The following HEATR3 variants were observed in gnomAD, a reference collection of about 807,000 sequenced individuals.
HEATR3 encodes the protein HEAT repeat-containing protein 3.
In HEATR3, 56 loss-of-function variants were observed where a neutral mutation model predicts 72.8. That is an observed-to-expected ratio of 0.77 (90% confidence interval 0.62 to 0.96). The LOEUF (loss-of-function observed/expected upper bound fraction) is 0.96. Among genes scored for constraint, HEATR3 ranks in the 40% least tolerant of loss-of-function variants. The pLI is 0.00. For synonymous variants in HEATR3, 331 were observed against 318.1 expected (o/e 1.04, Z -0.43); for missense variants, 747 against 831.4 (o/e 0.90, Z 1.25).
chr16:50,080,481 C>T (rs1420535238), intron 7 of HEATR3, among the ~76,000 whole-genome samples: 4 of 151,824 alleles, frequency 2.6e-5, no homozygotes, highest in Non-Finnish European at 5.9e-5. Context: ...GCTGGGATTA[C>T]AGGCATGTGT....
chr16:50,083,992 C>T lies in HEATR3; in HGVS notation c.1097C>T (p.Ala366Val). Residue 366 changes from alanine to valine, a missense_variant, in exon 8 of 15, where the codon GCT becomes GTT. Physicochemically the swap from Ala to Val is moderately conservative, Grantham distance 64. Transcript: ENST00000299192. Reference sequence around the variant, plus strand: ...GCATTGCTGACAGCCCAACAGACTGCTCTGGAAATTATTGTCAACATGTGC... The same window carrying T: ...GCATTGCTGACAGCCCAACAGACTGTTCTGGAAATTATTGTCAACATGTGC... Reference protein sequence around the residue: ...TIALLTAQQTALEIIVNMCCN... With the variant: ...TIALLTAQQTVLEIIVNMCCN... 1.2e-6 allele frequency: 2 copies of T among 1,613,424 alleles called. No individual in the cohort carries two copies. The highest frequency in any genetic ancestry group is 1.1e-5 in the South Asian group (1 of 91,056).
At chr16:50,100,048 G>T (rs1354900429) in intron 12 of HEATR3, among the ~76,000 whole-genome samples, 182 bp from the exon 13 acceptor site, 1 of 151,964 alleles carries the variant, frequency 6.6e-6, no homozygotes, top group Non-Finnish European at 1.5e-5. Context: ...CCTTAGTTCA[G>T]AATTACCAGC....
At chr16:50,084,681 T>A in intron 10 of HEATR3, 30 bp downstream of exon 10, 1 of 1,471,446 alleles carries the variant, frequency 6.8e-7, no homozygotes, top group African/African-American at 1.4e-5. Context: ...CAAAAACATT[T>A]GTCATTATTT....
chr16:50,091,724 A>AG (rs1276505261), intron 11 of HEATR3, among the ~76,000 whole-genome samples: 1 of 151,682 alleles, frequency 6.6e-6, no homozygotes, highest in East Asian at 2.0e-4. Flanking sequence ...GCAAAAAAAA[A>AG]TTAGCCAAGT....
intron 13 of HEATR3, 106 bp downstream of exon 13, chr16:50,100,479 C>CAT: frequency 1.8e-6 from 2 of 1,127,126 alleles, no homozygotes; most frequent in African/African-American, 1.6e-5. Flanking sequence ...GAGAAGAAGT[C>CAT]ATATCAAGTT....
Position 50,078,923 on chromosome 16 carries a change from A to G in HEATR3, c.946A>G (p.Thr316Ala), listed in dbSNP as rs1228104828. Reference sequence around the variant, plus strand: ...AGAGGCTGAGGAAATATTAGAGAACACTAATGGGGATGATTTGATTGAAGA... The same window carrying G: ...AGAGGCTGAGGAAATATTAGAGAACGCTAATGGGGATGATTTGATTGAAGA... ...AAEAEEILEN[T>A]NGDDLIEDDE... The change falls in exon 7 of 15, where the codon ACT becomes GCT. Residue 316 changes from threonine (T) to alanine (A), a missense_variant. Around this residue, in one of 2 missense-constraint regions of HEATR3, gnomAD observed 586 missense variants for 708.8 expected, o/e 0.83. Coordinates refer to ENST00000299192, the MANE Select transcript of HEATR3 (RefSeq NM_182922.4). 2.5e-6 allele frequency: 4 copies of G among 1,613,836 alleles called. No individual in the cohort carries two copies. In the South Asian group the frequency reaches 4.4e-5, roughly 18 times the overall value.
chr16:50,095,229 T>C (rs1048026983), intron 12 of HEATR3, among the ~76,000 whole-genome samples: 1 of 151,920 alleles, frequency 6.6e-6, no homozygotes, highest in African/African-American at 2.4e-5. Context: ...TTCTCGTGCC[T>C]CAGCCACCCA....
At chr16:50,070,355 C>T (rs2036584883) in intron 4 of HEATR3, 65 bp downstream of exon 4, 2 of 784,064 alleles carry the variant, frequency 2.6e-6, no homozygotes, top group African/African-American at 1.7e-5. Context: ...CTCTGTTATA[C>T]TGTGTAGGAA....
chr16:50,066,519 G>T lies in HEATR3; in HGVS notation c.291G>T (p.Glu97Asp). The T allele has an allele frequency of 7.6e-7, 1 of 1,311,876 alleles. No individual in the cohort carries two copies. The highest frequency in any genetic ancestry group is 9.7e-7 in the Non-Finnish European group (1 of 1,035,210). 81.3% of individuals were successfully genotyped at this position (1,311,876 alleles called of 1,614,324 possible). Residue 97 changes from glutamate (E) to aspartate (D), a missense_variant, in exon 2 of 15, where the codon GAG (glutamate) becomes GAT (aspartate). Physicochemically the swap from Glu to Asp is conservative, Grantham distance 45. This residue lies in a region of HEATR3 where 586 missense variants were observed against 708.8 expected (regional missense o/e 0.83). Coordinates refer to ENST00000299192, the MANE Select transcript of HEATR3 (RefSeq NM_182922.4). The part of the protein sequence containing the change: ...LLLDPSLAVR[E>D]TAAGALRNLS... ...TAGACCCCAGCCTGGCCGTCAGGGA[G>T]ACTGCAGCCGGCGCGCTGAGGTGAG... is the stretch of plus-strand genomic sequence containing the variant.
At chr16:50,067,949 G>A (rs554414887) in intron 2 of HEATR3, among the ~76,000 whole-genome samples, 1 of 152,300 alleles carries the variant, frequency 6.6e-6, no homozygotes, top group South Asian at 2.1e-4. Flanking sequence ...ATGACAAAGG[G>A]TGCTAAAAGA....
intron 7 of HEATR3, 114 bp downstream of exon 7, chr16:50,079,132 T>C: frequency 9.8e-7 from 1 of 1,023,602 alleles, no homozygotes; most frequent in African/African-American, 1.6e-5. Context: ...AAAGTGCGTT[T>C]TGGTAAAAAT....
chr16:50,066,214 C>T lies in HEATR3; in HGVS notation c.83C>T (p.Ala28Val), dbSNP rs2036485294. 8.2e-6 allele frequency: 13 copies of T among 1,577,658 alleles called. No homozygotes were observed. Among genetic ancestry groups the T allele is most frequent in the Non-Finnish European group, 1.0e-5 (12 of 1,163,414 alleles). The change falls in exon 1 of 15, where the codon GCG becomes GTG. Residue 28 changes from alanine (A) to valine (V), a missense_variant. By Grantham distance (64) the Ala-to-Val change is moderately conservative (BLOSUM62 0). This residue lies in a region of HEATR3 where 161 missense variants were observed against 122.6 expected (regional missense o/e 1.31). Coordinates refer to ENST00000299192, the MANE Select transcript of HEATR3 (RefSeq NM_182922.4). ...GDCQAEAAAA[A>V]NGTGGEEDDG... ...TGTCAGGCCGAGGCGGCTGCGGCGG[C>T]GAATGGGACCGGAGGCGAGGAGGAC...
chr16:50,100,349 AG>A lies in HEATR3; in HGVS notation c.1720del (p.Asp574MetfsTer26), dbSNP rs1193343604. ...GITGSVLAKE[D>X]GTLETLKNIG... ...TCACTGGCAGCGTCCTTGCCAAAGA[AG>A]ATGGTACACTTGAAACTCTTAAGGT... is the stretch of plus-strand genomic sequence containing the variant. On this transcript the variant is annotated frameshift_variant, in exon 13 of 15. Transcript: ENST00000299192. LOFTEE classifies it high-confidence loss of function. The A allele has an allele frequency of 3.7e-6, 6 of 1,613,994 alleles. No individual in the cohort carries two copies. Among genetic ancestry groups the A allele is most frequent in the Non-Finnish European group, 5.1e-6 (6 of 1,180,012 alleles).
rs756889905 is a variant in HEATR3, at chr16:50,105,109, A to G, written c.*48A>G. ...TCTTCCCCCAAAGTATTCAATGCTTAGAATACTAAAAGGTTTTCTTTGAAT... is the reference window on the plus strand; with the variant it reads ...TCTTCCCCCAAAGTATTCAATGCTTGGAATACTAAAAGGTTTTCTTTGAAT... On this transcript the variant is annotated 3_prime_UTR_variant, in exon 15 of 15. Coordinates refer to ENST00000299192, the MANE Select transcript of HEATR3 (RefSeq NM_182922.4). The G allele has an allele frequency of 1.5e-5, 23 of 1,554,808 alleles. No individual in the cohort carries two copies. The highest frequency in any genetic ancestry group is 1.9e-5 in the Non-Finnish European group (22 of 1,137,166).
At position 50,101,073 on chromosome 16, in the gene HEATR3, A is replaced by G. The variant is rs538395057; in HGVS notation, c.1743+700A>G. On this transcript the variant is annotated intron_variant, in intron 13 of 14. Coordinates refer to ENST00000299192, the MANE Select transcript of HEATR3 (RefSeq NM_182922.4). ...TTTACAATGATGACTGATGTTTTTA[A>G]GAATCTATTTTTGAAAAATGATACT... 2.0e-5 allele frequency among the ~76,000 whole-genome samples: 3 copies of G among 152,050 alleles called. No individual in the cohort carries two copies. The South Asian group carries it at 6.3e-4, about 32-fold the overall frequency.
At position 50,066,155 on chromosome 16, in the gene HEATR3, C is replaced by T. The variant is rs759331533; in HGVS notation, c.24C>T (p.Arg8=). 9 of 1,597,418 alleles carry T rather than the reference C, an allele frequency of 5.6e-6. No homozygotes were observed. Among genetic ancestry groups the T allele is most frequent in the Non-Finnish European group, 6.8e-6 (8 of 1,173,422 alleles). MGKSRTK[R]FKRPQFSPTG... ...CCATGGGCAAGAGCCGGACGAAGCG[C>T]TTCAAGCGACCTCAGTTCTCCCCTA... The change falls in exon 1 of 15, where the codon CGC becomes CGT. Residue 8 remains arginine (R), a synonymous_variant. Coordinates refer to ENST00000299192, the MANE Select transcript of HEATR3 (RefSeq NM_182922.4).
chr16:50,086,658 G>A (rs557889057), intron 11 of HEATR3, among the ~76,000 whole-genome samples: 1 of 152,252 alleles, frequency 6.6e-6, no homozygotes, highest in Non-Finnish European at 1.5e-5. Context: ...AGCCAAGCAC[G>A]GTGGCTCATG....
At position 50,094,696 on chromosome 16, in the gene HEATR3, G is replaced by T; in HGVS notation, c.1511-9G>T. The T allele has an allele frequency of 1.3e-6, 2 of 1,514,184 alleles. No homozygotes were observed. Among genetic ancestry groups the T allele is most frequent in the Non-Finnish European group, 1.8e-6 (2 of 1,127,000 alleles). 93.8% of individuals were successfully genotyped at this position (1,514,184 alleles called of 1,614,324 possible). ...AATGCAAATTTTATATTTCATTTTT[G>T]TGTTTTAGATTTTGCTAAACATGTT... On this transcript the variant is annotated splice_polypyrimidine_tract_variant and intron_variant, in intron 11 of 14. Transcript: ENST00000299192.
chr16:50,092,987 G>A (rs1190203058), intron 11 of HEATR3, among the ~76,000 whole-genome samples: 2 of 152,198 alleles, frequency 1.3e-5, no homozygotes, highest in African/African-American at 4.8e-5. Context: ...TTTGAGCCAA[G>A]ACTAAAATGA....
Sources: allele counts gnomAD v4.1 joint callset (sites outside exome capture counted in the v4.1 genomes callset), GRCh38; gene constraint gnomAD v4.1.1; regional missense constraint gnomAD v4.1.1; transcripts MANE v1.5; gene names NCBI Gene and HGNC (gene_info 2026-07-23, HGNC 2026-07-21).